The following RNF32 variants were observed in gnomAD, a reference collection of about 807,000 sequenced individuals.
The protein encoded by RNF32 is ring finger protein 32.
A neutral mutation model predicts 41.0 loss-of-function variants in RNF32; 36 were observed. That is an observed-to-expected ratio of 0.88 (90% CI 0.67 to 1.16). The LOEUF (loss-of-function observed/expected upper bound fraction) is 1.16. Among genes scored for constraint, RNF32 ranks in the 50% most tolerant of loss-of-function variants. RNF32 has a pLI of 0.00. For synonymous variants in RNF32, 154 were observed against 160.9 expected (o/e 0.96, Z 0.32); for missense variants, 413 against 436.7 (o/e 0.95, Z 0.48).
At chr7:156,657,947 A>T (rs1799978612) in intron 5 of RNF32, among the ~76,000 whole-genome samples, 181 bp from the exon 6 acceptor site, 1 of 152,204 alleles carries the variant, frequency 6.6e-6, no homozygotes, top group Non-Finnish European at 1.5e-5. Flanking sequence ...CATTTTTGGA[A>T]CAGGTTTTGT....
At chr7:156,640,374 C>T (rs1355475348), upstream of RNF32, 6 of 442,254 alleles carry the variant, frequency 1.4e-5, no homozygotes, top group Admixed American at 2.5e-5. Flanking sequence ...CCCACAAAGC[C>T]GCCGGGGGCT....
chr7:156,658,516 G>A lies in RNF32; in HGVS notation c.630G>A (p.Arg210=), dbSNP rs1297267083. The A allele has an allele frequency of 6.2e-6, 10 of 1,613,906 alleles. No homozygotes were observed. Among genetic ancestry groups the A allele is most frequent in the Non-Finnish European group, 8.5e-6 (10 of 1,179,840 alleles). ...TTAGAAAGTGGTACAGAAACCTGAG[G>A]AAAACAGTACCTCCCACAGATGCCA... The part of the protein sequence containing the change: ...CVVRKWYRNL[R]KTVPPTDAKL... The change falls in exon 7 of 9, where the codon AGG becomes AGA. Residue 210 remains arginine, a synonymous_variant. Transcript: ENST00000317955.
intron 5 of RNF32, 48 bp downstream of exon 5, chr7:156,657,621 A>C (rs750517666): frequency 1.3e-6 from 2 of 1,570,168 alleles, no homozygotes; most frequent in African/African-American, 1.4e-5. Context: ...TGTCGCTCTC[A>C]CAGTGCAGAG....
intron 2 of RNF32, among the ~76,000 whole-genome samples, chr7:156,644,184 T>C (rs1350512213): frequency 6.6e-6 from 1 of 152,248 alleles, no homozygotes; most frequent in East Asian, 1.9e-4. Flanking sequence ...GTCTCCTTAG[T>C]AGTTGCCTGG....
rs1481462385 is a variant in RNF32 at position 156,640,783 on chromosome 7, T to G, written c.-106T>G. On this transcript the variant is annotated 5_prime_UTR_variant, in exon 1 of 9. Transcript: ENST00000317955. ...CTGAGGGAAAAGGGGCAGACGTCCC[T>G]GGGTTCCGGTGTTCGCGGAGGAGTC... 1.2e-5 allele frequency: 3 copies of G among 243,108 alleles called. No homozygotes were observed. Among genetic ancestry groups the G allele is most frequent in the Non-Finnish European group, 1.6e-5 (2 of 121,750 alleles). The allele number at this position is 243,108 out of a possible 1,614,324, so 15.1% of individuals were successfully genotyped here.
At chr7:156,649,398 T>C (rs1236077751) in intron 3 of RNF32, among the ~76,000 whole-genome samples, 7 of 152,158 alleles carry the variant, frequency 4.6e-5, no homozygotes, top group Non-Finnish European at 8.8e-5. Flanking sequence ...CCCCTTCTTT[T>C]TTTTCCCTGC....
At chr7:156,640,685 G>A (rs1045387097), upstream of RNF32, 4 of 309,254 alleles carry the variant, frequency 1.3e-5, no homozygotes, top group Non-Finnish European at 2.5e-5. Context: ...GGGCAGGGCT[G>A]GTGAGCAAGC....
chr7:156,672,915 C>T (rs1458437482), intron 7 of RNF32, among the ~76,000 whole-genome samples: 1 of 152,198 alleles, frequency 6.6e-6, no homozygotes, highest in African/African-American at 2.4e-5. Context: ...GGTTCTTAAA[C>T]CTGAATGGGC....
Position 156,669,854 on chromosome 7 carries a change from C to G in RNF32, c.685-5842C>G, listed in dbSNP as rs542001779. Among the ~76,000 whole-genome samples, 2 of 152,122 alleles carry G rather than the reference C, an allele frequency of 1.3e-5. No homozygotes were observed. Among genetic ancestry groups the G allele is most frequent in the African/African-American group, 4.8e-5 (2 of 41,438 alleles). Reference sequence around the variant, plus strand: ...GAGACGTGCAGTTGGGCCTGCAGCACGCAGGGCTTGGGGACTCTGTTCCAG... The same window carrying G: ...GAGACGTGCAGTTGGGCCTGCAGCAGGCAGGGCTTGGGGACTCTGTTCCAG... On this transcript the variant is annotated intron_variant, in intron 7 of 8. Transcript: ENST00000317955. This position sits in a 1 kb window ranked among gnomAD's most constrained non-coding sequence, Gnocchi z 4.2.
At chr7:156,659,726 C>T (rs1356981783) in intron 7 of RNF32, 5 of 749,594 alleles carry the variant, frequency 6.7e-6, no homozygotes, top group Admixed American at 6.3e-5. Flanking sequence ...TGGACGAGAA[C>T]TGGCCCAGGT....
chr7:156,673,910 A>C (rs922419925), intron 7 of RNF32, among the ~76,000 whole-genome samples: 5 of 123,886 alleles, frequency 4.0e-5, no homozygotes, highest in Non-Finnish European at 3.3e-5. Flanking sequence ...CATTAATAAA[A>C]AAAAAAAAAA....
intron 7 of RNF32, among the ~76,000 whole-genome samples, chr7:156,661,711 T>C (rs1800701702): frequency 6.6e-6 from 1 of 152,246 alleles, no homozygotes; most frequent in African/African-American, 2.4e-5. Flanking sequence ...CTGCTTTCAC[T>C]GCAGGCACCA....
intron 7 of RNF32, chr7:156,659,448 TC>T: frequency 3.0e-6 from 3 of 985,484 alleles, no homozygotes; most frequent in Non-Finnish European, 3.6e-6. Context: ...GCGTCATCCT[TC>T]CTTTACATTC....
intron 2 of RNF32, 143 bp downstream of exon 2, chr7:156,644,035 C>T: frequency 1.4e-6 from 1 of 705,798 alleles, no homozygotes; most frequent in Non-Finnish European, 2.5e-6. Flanking sequence ...CCAAGTGTCG[C>T]ATGGGGCAGT....
At chr7:156,675,481 C>T (rs1803674950) in intron 7 of RNF32, among the ~76,000 whole-genome samples, 1 of 152,170 alleles carries the variant, frequency 6.6e-6, no homozygotes, top group Admixed American at 6.5e-5. Flanking sequence ...GTAGTGTGTT[C>T]TGGACTCCAT....
chr7:156,658,417 A>G (rs1800072716), intron 6 of RNF32, 45 bp from the exon 7 acceptor site: 1 of 1,541,468 alleles, frequency 6.5e-7, no homozygotes. Flanking sequence ...ATTGGTTGAC[A>G]TAGAGTCATC....
intron 7 of RNF32, chr7:156,659,598 G>A: frequency 2.1e-6 from 2 of 942,272 alleles, no homozygotes; most frequent in Non-Finnish European, 2.5e-6. Context: ...TTTAATTACA[G>A]ATTTGATAGT....
intron 7 of RNF32, among the ~76,000 whole-genome samples, chr7:156,663,352 A>T (rs1402972729): frequency 6.6e-6 from 1 of 152,256 alleles, no homozygotes; most frequent in African/African-American, 2.4e-5. Context: ...TATGTTATGC[A>T]TATTATATAA....
chr7:156,665,903 A>G (rs985872790), intron 7 of RNF32, among the ~76,000 whole-genome samples: 2 of 152,240 alleles, frequency 1.3e-5, no homozygotes, highest in African/African-American at 4.8e-5. Flanking sequence ...ACCAGAAAAG[A>G]AAAAAGTACC....
Sources: gnomAD v4.1 joint callset for allele counts (sites outside exome capture counted in the v4.1 genomes callset) on GRCh38, gnomAD v4.1.1 for gene constraint, Gnocchi (gnomAD v3.1) non-coding constraint, MANE v1.5 for transcripts, NCBI Gene and HGNC (gene_info 2026-07-23, HGNC 2026-07-21) for gene names.